The following CYBRD1 variants were observed in gnomAD, a reference collection of about 807,000 sequenced individuals.
CYBRD1 encodes the protein plasma membrane ascorbate-dependent reductase CYBRD1.
A neutral mutation model predicts 21.9 loss-of-function variants in CYBRD1; 14 were observed. The observed-to-expected ratio is 0.64, with a 90% confidence interval of 0.42 to 1.00. CYBRD1 has a LOEUF of 1.00. Among genes scored for constraint, CYBRD1 ranks in the 50% least tolerant of loss-of-function variants. The pLI is 0.00. For synonymous variants in CYBRD1, 146 were observed against 136.5 expected (o/e 1.07, Z -0.48); for missense variants, 328 against 352.5 (o/e 0.93, Z 0.56).
intron 2 of CYBRD1, among the ~76,000 whole-genome samples, chr2:171,552,594 C>G (rs1255250071): frequency 6.6e-6 from 1 of 152,084 alleles, no homozygotes; most frequent in African/African-American, 2.4e-5. Flanking sequence ...ATTCAGTAAC[C>G]ACAAAGTCAT....
chr2:171,548,896 G>C (rs182628544), intron 2 of CYBRD1, among the ~76,000 whole-genome samples: 1 of 152,084 alleles, frequency 6.6e-6, no homozygotes, highest in Non-Finnish European at 1.5e-5. Context: ...GTTGAGGCCA[G>C]GAGTTGAAGA....
intron 3 of CYBRD1, among the ~76,000 whole-genome samples, chr2:171,554,168 A>G (rs1295559654): frequency 1.3e-5 from 2 of 152,180 alleles, no homozygotes; most frequent in Non-Finnish European, 2.9e-5. Context: ...CGGGGTTTGC[A>G]AAGGGAGTAG....
chr2:171,552,408 A>AC (rs1462549553), intron 2 of CYBRD1, among the ~76,000 whole-genome samples: 13 of 151,908 alleles, frequency 8.6e-5, no homozygotes, highest in Non-Finnish European at 1.5e-4. Context: ...AGGGCGTTGG[A>AC]CCCCTCCCCC....
At chr2:171,522,342 TG>T, upstream of CYBRD1, 1 of 1,514,008 alleles carries the variant, frequency 6.6e-7, no homozygotes. This position sits in a 1 kb window ranked among gnomAD's most constrained non-coding sequence, Gnocchi z 4.3. Context: ...ATCCCGGGGG[TG>T]GGGCCCATTT....
chr2:171,528,861 T>G (rs1697422477), intron 1 of CYBRD1, among the ~76,000 whole-genome samples: 1 of 152,202 alleles, frequency 6.6e-6, no homozygotes, highest in Admixed American at 6.5e-5. Flanking sequence ...AGGACGAAAT[T>G]ATGCAGTCAT....
At chr2:171,548,549 G>A (rs1252456708) in intron 2 of CYBRD1, among the ~76,000 whole-genome samples, 1 of 146,276 alleles carries the variant, frequency 6.8e-6, no homozygotes, top group East Asian at 2.1e-4. Context: ...GACTGAATGA[G>A]TTTATAAAAT....
intron 1 of CYBRD1, among the ~76,000 whole-genome samples, chr2:171,534,144 C>T (rs1195972780): frequency 6.6e-6 from 1 of 152,176 alleles, no homozygotes; most frequent in Non-Finnish European, 1.5e-5. Context: ...CATGTTCCAC[C>T]ATCAATATCT....
intron 1 of CYBRD1, among the ~76,000 whole-genome samples, chr2:171,526,440 TC>T (rs1204410782): frequency 6.6e-6 from 1 of 151,018 alleles, no homozygotes; most frequent in Non-Finnish European, 1.5e-5. Context: ...TCCCCTCCTT[TC>T]CCCCTCTCTC....
At chr2:171,535,212 T>C (rs748672942) in intron 1 of CYBRD1, among the ~76,000 whole-genome samples, 6 of 152,112 alleles carry the variant, frequency 3.9e-5, no homozygotes, top group Non-Finnish European at 8.8e-5. Context: ...CCAGGGACTC[T>C]CAAACCATAA....
chr2:171,524,565 T>C (rs1407338138), intron 1 of CYBRD1, among the ~76,000 whole-genome samples: 2 of 152,234 alleles, frequency 1.3e-5, no homozygotes, highest in East Asian at 3.8e-4. Flanking sequence ...TAATAGTGAT[T>C]GCATGCTGTG....
intron 2 of CYBRD1, among the ~76,000 whole-genome samples, chr2:171,542,751 C>T (rs776342909): frequency 2.0e-4 from 30 of 152,176 alleles, no homozygotes; most frequent in Non-Finnish European, 4.3e-4. Context: ...CAGGGTGGTG[C>T]ACACCTGTTG....
At chr2:171,532,687 G>A (rs1697485502) in intron 1 of CYBRD1, among the ~76,000 whole-genome samples, 1 of 152,054 alleles carries the variant, frequency 6.6e-6, no homozygotes, top group African/African-American at 2.4e-5. Context: ...TGTAATCCCA[G>A]CTATTTGGGA....
At chr2:171,550,562 T>C (rs1697783548) in intron 2 of CYBRD1, among the ~76,000 whole-genome samples, 1 of 152,160 alleles carries the variant, frequency 6.6e-6, no homozygotes, top group South Asian at 2.1e-4. Context: ...TAAGTTATTA[T>C]AAATTATAAA....
At chr2:171,534,021 T>C (rs1697511415) in intron 1 of CYBRD1, among the ~76,000 whole-genome samples, 1 of 152,196 alleles carries the variant, frequency 6.6e-6, no homozygotes. Context: ...TTTCTAATAA[T>C]TAAACCCAAA....
At chr2:171,545,921 T>C (rs1358712144) in intron 2 of CYBRD1, among the ~76,000 whole-genome samples, 1 of 152,164 alleles carries the variant, frequency 6.6e-6, no homozygotes, top group East Asian at 1.9e-4. Flanking sequence ...TAAGTTTTCT[T>C]CTTTAACATC....
intron 3 of CYBRD1, among the ~76,000 whole-genome samples, chr2:171,554,304 T>A (rs902431300): frequency 6.6e-6 from 1 of 152,184 alleles, no homozygotes; most frequent in Non-Finnish European, 1.5e-5. Flanking sequence ...AAAACAAGTG[T>A]TACAGATGCT....
chr2:171,532,978 AT>A (rs1335228786), intron 1 of CYBRD1, among the ~76,000 whole-genome samples: 2 of 152,162 alleles, frequency 1.3e-5, no homozygotes, highest in Admixed American at 1.3e-4. Flanking sequence ...AATTAAAAAA[AT>A]AAATTTTAAA....
intron 1 of CYBRD1, among the ~76,000 whole-genome samples, chr2:171,530,242 T>A (rs1175488150): frequency 6.6e-6 from 1 of 152,200 alleles, no homozygotes; most frequent in Admixed American, 6.5e-5. Flanking sequence ...ATAATAAATA[T>A]GTTGTTTTAA....
chr2:171,541,851 G>GTTTT, intron 2 of CYBRD1, 58 bp downstream of exon 2: 1 of 973,106 alleles, frequency 1.0e-6, no homozygotes, highest in South Asian at 1.6e-5. Context: ...GACTGTAAAT[G>GTTTT]TTTTCTTTTC....
Sources: gnomAD v4.1 joint callset for allele counts (sites outside exome capture counted in the v4.1 genomes callset) on GRCh38, gnomAD v4.1.1 for gene constraint, Gnocchi (gnomAD v3.1) non-coding constraint, MANE v1.5 for transcripts, NCBI Gene and HGNC (gene_info 2026-07-23, HGNC 2026-07-21) for gene names.